PDE1C: variants seen among roughly 807,000 people sequenced by gnomAD.
PDE1C encodes the protein phosphodiesterase 1C.
In PDE1C, 62 loss-of-function variants were observed where a neutral mutation model predicts 93.1. The observed-to-expected ratio is 0.67, with a 90% CI of 0.54 to 0.82. The LOEUF (loss-of-function observed/expected upper bound fraction) is 0.82, where lower values mean the gene tolerates loss of function less well. Ranked by LOEUF, PDE1C falls within the 40% of genes least tolerant of loss-of-function variation. PDE1C has a pLI of 0.00. For synonymous variants in PDE1C, 325 were observed against 310.1 expected, an observed-to-expected ratio of 1.05 and a Z score of -0.50; for missense variants, 742 against 884.6, an observed-to-expected ratio of 0.84 and a Z score of 2.04.
intron 1 of PDE1C, among the ~76,000 whole-genome samples, chr7:32,067,383 C>A (rs1441087278): frequency 6.6e-6 from 1 of 152,094 alleles, no homozygotes; most frequent in Non-Finnish European, 1.5e-5. Flanking sequence ...AGGAGACAGA[C>A]AATAAACCTA....
upstream of PDE1C, among the ~76,000 whole-genome samples, chr7:32,076,253 C>T (rs1439763925): frequency 6.6e-6 from 1 of 152,100 alleles, no homozygotes; most frequent in East Asian, 1.9e-4. Flanking sequence ...AAGAGATGGT[C>T]TATTTCTCTT....
chr7:32,177,695 T>G (rs1356550473), intron 2 of PDE1C, among the ~76,000 whole-genome samples: 9 of 152,280 alleles, frequency 5.9e-5, no homozygotes, highest in Middle Eastern at 3.4e-3. Context: ...ACACTGAGGC[T>G]CTTGCCTACA....
intron 3 of PDE1C, among the ~76,000 whole-genome samples, chr7:32,102,403 C>G (rs1798084655): frequency 6.6e-6 from 1 of 152,228 alleles, no homozygotes; most frequent in Non-Finnish European, 1.5e-5. Context: ...TATTCTGCCA[C>G]TCAGCTGCCA....
intron 2 of PDE1C, chr7:31,893,432 T>C: frequency 1.0e-6 from 1 of 957,796 alleles, no homozygotes; most frequent in Non-Finnish European, 1.2e-6. Flanking sequence ...TTTCATTTTG[T>C]GCTATATTTA....
At chr7:32,024,579 G>A (rs1241221266) in intron 2 of PDE1C, among the ~76,000 whole-genome samples, 1 of 151,940 alleles carries the variant, frequency 6.6e-6, no homozygotes, top group Non-Finnish European at 1.5e-5. Flanking sequence ...TCACATCTTG[G>A]TGAAATTATT....
chr7:32,241,194 G>T (rs1014725731), intron 1 of PDE1C, among the ~76,000 whole-genome samples: 2 of 152,144 alleles, frequency 1.3e-5, no homozygotes, highest in African/African-American at 4.8e-5. Flanking sequence ...AAAAGTTCAG[G>T]CTACAGTAGT....
chr7:32,247,854 A>C (rs1439541392), intron 1 of PDE1C, among the ~76,000 whole-genome samples: 4 of 152,268 alleles, frequency 2.6e-5, no homozygotes, highest in African/African-American at 9.6e-5. Flanking sequence ...ATCAGGACAT[A>C]ACCCCATCAT....
intron 17 of PDE1C, among the ~76,000 whole-genome samples, chr7:31,754,291 G>A (rs1481323998): frequency 2.0e-5 from 3 of 152,216 alleles, no homozygotes; most frequent in Non-Finnish European, 4.4e-5. Context: ...TGATTGGAAT[G>A]CAAAATGGTA....
intron 3 of PDE1C, among the ~76,000 whole-genome samples, chr7:32,122,920 C>T (rs927012868): frequency 3.9e-5 from 6 of 152,060 alleles, no homozygotes; most frequent in Admixed American, 1.3e-4. Flanking sequence ...ATCCATGAAT[C>T]CAGGAGCTGG....
chr7:32,135,380 G>A (rs974806154), intron 3 of PDE1C, among the ~76,000 whole-genome samples: 11 of 151,892 alleles, frequency 7.2e-5, no homozygotes, highest in Non-Finnish European at 1.6e-4. Flanking sequence ...TCTGATAAGG[G>A]GTTAATATAA....
At chr7:31,858,768 G>C (rs1257703005) in intron 7 of PDE1C, among the ~76,000 whole-genome samples, 1 of 151,838 alleles carries the variant, frequency 6.6e-6, no homozygotes, top group Non-Finnish European at 1.5e-5. Flanking sequence ...TGTATGCTAG[G>C]CATTAGGTAA....
At chr7:32,107,252 C>A (rs528271850) in intron 3 of PDE1C, among the ~76,000 whole-genome samples, 19 of 117,754 alleles carry the variant, frequency 1.6e-4, no homozygotes, top group Non-Finnish European at 2.6e-4. Context: ...GAGAAAGAGA[C>A]AAAGAGAGAC....
chr7:31,720,688 C>T, the PDE1C span, among the ~76,000 whole-genome samples: 1 of 152,210 alleles, frequency 6.6e-6, no homozygotes, highest in Non-Finnish European at 1.5e-5. Context: ...AATGCACATT[C>T]ATAATTTGTA....
At chr7:32,238,204 A>G (rs955828875) in intron 1 of PDE1C, among the ~76,000 whole-genome samples, 4 of 152,210 alleles carry the variant, frequency 2.6e-5, no homozygotes. Flanking sequence ...TACACCACCA[A>G]TGTACAATTA....
intron 3 of PDE1C, among the ~76,000 whole-genome samples, chr7:32,087,144 A>C (rs1315739922): frequency 1.3e-5 from 2 of 152,102 alleles, no homozygotes; most frequent in African/African-American, 4.8e-5. Flanking sequence ...CAAAGAACTC[A>C]AACAAATTTA....
chr7:31,739,064 C>A, the PDE1C span, among the ~76,000 whole-genome samples: 45 of 151,420 alleles, frequency 3.0e-4, no homozygotes, highest in African/African-American at 1.0e-3. Flanking sequence ...ATGCCCCCAC[C>A]TGCCTGTTTC....
intron 16 of PDE1C, among the ~76,000 whole-genome samples, chr7:31,778,595 C>A (rs1783176889): frequency 6.6e-6 from 1 of 152,154 alleles, no homozygotes; most frequent in South Asian, 2.1e-4. Context: ...AAAGTGCCCT[C>A]CATTGAGAAT....
At chr7:32,056,320 T>TTC (rs10648394) in intron 1 of PDE1C, among the ~76,000 whole-genome samples, 33,279 of 110,506 alleles carry the variant, frequency 0.3, 5,393 homozygotes, top group Non-Finnish European at 0.38. Flanking sequence ...GGGTCCACCG[T>TTC]TCTCTCTCTC....
At chr7:32,019,150 T>TAAAAA (rs75146295) in intron 2 of PDE1C, among the ~76,000 whole-genome samples, 2 of 118,840 alleles carry the variant, frequency 1.7e-5, no homozygotes, top group Admixed American at 8.9e-5. Context: ...TATGTTGTTT[T>TAAAAA]AAAAAAAAAA....
Sources: gnomAD v4.1 joint callset for allele counts (sites outside exome capture counted in the v4.1 genomes callset) on GRCh38, gnomAD v4.1.1 for gene constraint, MANE v1.5 for transcripts, NCBI Gene and HGNC (gene_info 2026-07-23, HGNC 2026-07-21) for gene names.